Variants in WDR27 observed in about 807,000 individuals in gnomAD.
WDR27 encodes WD repeat domain 27.
A neutral mutation model predicts 114.4 loss-of-function variants in WDR27; 100 were observed. The observed-to-expected ratio is 0.87, with a 90% confidence interval of 0.74 to 1.03. WDR27 has a LOEUF of 1.03. Ranked by LOEUF, WDR27 falls within the 50% of genes least tolerant of loss-of-function variation. WDR27 has a pLI of 0.00. For synonymous variants in WDR27, 449 were observed against 423.1 expected (o/e 1.06, Z -0.75); for missense variants, 1,129 against 1,092.9 (o/e 1.03, Z -0.47).
intron 25 of WDR27, among the ~76,000 whole-genome samples, chr6:169,526,841 C>A (rs747542896): frequency 6.6e-6 from 1 of 151,884 alleles, no homozygotes; most frequent in Non-Finnish European, 1.5e-5. Context: ...TTAAAATGGG[C>A]AAATAATTTG....
intron 25 of WDR27, among the ~76,000 whole-genome samples, chr6:169,500,751 G>A (rs1010471843): frequency 2.6e-5 from 4 of 152,176 alleles, no homozygotes; most frequent in Non-Finnish European, 5.9e-5. Flanking sequence ...GGTGGAGACC[G>A]CAGTGACACA....
chr6:169,444,324 ATGTGTTTGGCTCTAGACTGTGCAG>A, the WDR27 span, among the ~76,000 whole-genome samples: 4 of 152,190 alleles, frequency 2.6e-5, no homozygotes, highest in African/African-American at 9.7e-5. Flanking sequence ...TCTAAAAAGA[ATGTGTTTGGCTCTAGACTGTGCAG>A]TGTGTTTGTC....
At chr6:169,613,722 GAT>G in intron 21 of WDR27, 66 bp from the exon 22 acceptor site, 1 of 1,351,628 alleles carries the variant, frequency 7.4e-7, no homozygotes, top group South Asian at 1.3e-5. Flanking sequence ...TTATGCTAAT[GAT>G]ATCTCATAAT....
chr6:169,647,296 G>A (rs533548978), intron 16 of WDR27, among the ~76,000 whole-genome samples: 4 of 152,208 alleles, frequency 2.6e-5, no homozygotes, highest in African/African-American at 4.8e-5. Context: ...AAAAGGTCCC[G>A]GCTGAGGGTC....
intron 21 of WDR27, among the ~76,000 whole-genome samples, chr6:169,622,302 T>G (rs1813558763): frequency 6.6e-6 from 1 of 152,178 alleles, no homozygotes; most frequent in Admixed American, 6.5e-5. Flanking sequence ...CGTCAGGACC[T>G]CCTGAGGCTG....
intron 22 of WDR27, among the ~76,000 whole-genome samples, chr6:169,606,736 C>T (rs1386885174): frequency 6.6e-6 from 1 of 152,156 alleles, no homozygotes; most frequent in Non-Finnish European, 1.5e-5. Context: ...GGGTTGATTC[C>T]ATGTGTTTGC....
intron 25 of WDR27, among the ~76,000 whole-genome samples, chr6:169,476,586 C>T (rs1464607672): frequency 3.3e-5 from 5 of 152,202 alleles, no homozygotes; most frequent in Admixed American, 6.5e-5. Flanking sequence ...TTTGACTCCA[C>T]CATGCTTCGT....
chr6:169,544,467 C>T (rs1365596834), intron 25 of WDR27, among the ~76,000 whole-genome samples: 1 of 145,446 alleles, frequency 6.9e-6, no homozygotes, highest in Non-Finnish European at 1.5e-5. Flanking sequence ...GAGATGGAGT[C>T]TCGCTCTGTC....
chr6:169,650,932 G>A (rs546161872), intron 14 of WDR27, among the ~76,000 whole-genome samples: 4 of 152,200 alleles, frequency 2.6e-5, no homozygotes, highest in African/African-American at 7.2e-5. Flanking sequence ...AGGCACAGGG[G>A]TTTAAAGAAC....
chr6:169,546,821 C>CT (rs1295570214), intron 25 of WDR27, among the ~76,000 whole-genome samples: 2 of 151,942 alleles, frequency 1.3e-5, no homozygotes, highest in African/African-American at 4.8e-5. Context: ...GGGGCGCTGG[C>CT]TTACGTAAAA....
At position 169,520,863 on chromosome 6, in the gene WDR27, T is replaced by A. The variant is rs564916888; in HGVS notation, c.2645+51556A>T. On this transcript the variant is annotated intron_variant, in intron 25 of 25. Transcript: ENST00000448612. ...AAAAAAGGAAAAAAATGAAAAGCAATGAAGAATGCCTATAAGACATGGAAA... is the reference window on the plus strand; with the variant it reads ...AAAAAAGGAAAAAAATGAAAAGCAAAGAAGAATGCCTATAAGACATGGAAA... Among the ~76,000 whole-genome samples the A allele has an allele frequency of 5.3e-5, 8 of 151,996 alleles. No homozygotes were observed. In the East Asian group the frequency reaches 5.8e-4, roughly 11 times the overall value.
At chr6:169,514,998 C>T (rs1026853153) in intron 25 of WDR27, among the ~76,000 whole-genome samples, 1 of 151,792 alleles carries the variant, frequency 6.6e-6, no homozygotes, top group African/African-American at 2.4e-5. Flanking sequence ...TCACCACTTG[C>T]ATTTAATACT....
intron 16 of WDR27, 46 bp downstream of exon 16, chr6:169,647,727 A>C (rs760611103): frequency 1.3e-4 from 179 of 1,415,614 alleles, no homozygotes; most frequent in Non-Finnish European, 1.7e-4. Context: ...AGAATCAAAG[A>C]CTCTTACAAT....
Position 169,668,050 on chromosome 6 carries a change from T to C in WDR27, c.592A>G (p.Thr198Ala), listed in dbSNP as rs779046827. Reference protein sequence around the residue: ...AELQGHLGPVTAVEFCPWRAG... With the variant: ...AELQGHLGPVAAVEFCPWRAG... ...CGCCAGGGACAGAACTCCACCGCAG[T>C]CACCGGGCCCAGGTGGCCCTGCAGC... Residue 198 changes from threonine to alanine, a missense_variant, in exon 5 of 26, where the codon ACT (threonine) becomes GCT (alanine). Thr to Ala is a moderately conservative substitution (Grantham distance 58). Coordinates refer to ENST00000448612, the MANE Select transcript of WDR27 (RefSeq NM_182552.5). 1.1e-5 allele frequency: 17 copies of C among 1,614,028 alleles called. No homozygotes were observed. The highest frequency in any genetic ancestry group is 1.4e-5 in the Non-Finnish European group (17 of 1,179,902).
At chr6:169,690,696 G>GA (rs944556542) in intron 1 of WDR27, among the ~76,000 whole-genome samples, 5 of 152,204 alleles carry the variant, frequency 3.3e-5, no homozygotes, top group African/African-American at 1.2e-4. Context: ...TGCATAGAAA[G>GA]AAAGAGCACT....
chr6:169,577,378 G>T (rs964844113), intron 24 of WDR27, among the ~76,000 whole-genome samples: 3 of 152,236 alleles, frequency 2.0e-5, no homozygotes, highest in Admixed American at 2.0e-4. Flanking sequence ...ATCTGCGAAC[G>T]GGCGGCCACA....
chr6:169,524,948 A>C (rs922568952), intron 25 of WDR27, among the ~76,000 whole-genome samples: 10 of 152,176 alleles, frequency 6.6e-5, no homozygotes, highest in Non-Finnish European at 1.2e-4. Context: ...ACATCAAGGT[A>C]GAAAGCTTTT....
At chr6:169,487,231 C>A (rs191521512) in intron 25 of WDR27, among the ~76,000 whole-genome samples, 1 of 152,154 alleles carries the variant, frequency 6.6e-6, no homozygotes, top group Non-Finnish European at 1.5e-5. Context: ...TGACATACAG[C>A]GAATACCATT....
intron 1 of WDR27, among the ~76,000 whole-genome samples, chr6:169,694,174 G>A (rs1045273797): frequency 6.6e-6 from 1 of 152,100 alleles, no homozygotes; most frequent in African/African-American, 2.4e-5. Flanking sequence ...CGGGCGTGGT[G>A]GCAGACGCCT....
Sources: allele counts gnomAD v4.1 joint callset (sites outside exome capture counted in the v4.1 genomes callset), GRCh38; gene constraint gnomAD v4.1.1; transcripts MANE v1.5; gene names NCBI Gene and HGNC (gene_info 2026-07-23, HGNC 2026-07-21).